The following S100PBP variants were observed in gnomAD, a reference collection of about 807,000 sequenced individuals.
S100PBP encodes S100P binding protein.
In S100PBP, 15 loss-of-function variants were observed where a neutral mutation model predicts 39.9. The observed-to-expected ratio is 0.38, with a 90% confidence interval of 0.25 to 0.58. The LOEUF (loss-of-function observed/expected upper bound fraction) is 0.58, where lower values mean the gene tolerates loss of function less well. S100PBP is among the 20% of genes least tolerant of loss of function. S100PBP has a pLI of 0.70. For synonymous variants in S100PBP, 178 were observed against 180.3 expected (o/e 0.99, Z 0.10); for missense variants, 504 against 487.3 (o/e 1.03, Z -0.32).
rs535759463 is a variant in S100PBP, at chr1:32,827,881, G to A, written c.832-112G>A. 3.1e-5 allele frequency: 19 copies of A among 620,342 alleles called. No homozygotes were observed. In the East Asian group the frequency reaches 4.9e-4, roughly 16 times the overall value. The allele number at this position is 620,342 out of a possible 1,614,324, so 38.4% of individuals were successfully genotyped here. A position where few individuals can be genotyped will look rare whatever the true frequency, so the allele number is the denominator to read the frequency against. On this transcript the variant is annotated intron_variant, in intron 3 of 6. Transcript: ENST00000373475. ...ATACGTGGTACACAGTAGTGTTCAC[G>A]AATAGGCTTTTGTAGCCTTTAGTTA... is the stretch of plus-strand genomic sequence containing the variant.
chr1:32,835,145 A>C (rs1488477101), intron 5 of S100PBP: 1 of 152,204 alleles, frequency 6.6e-6, no homozygotes, highest in East Asian at 1.9e-4. Flanking sequence ...TCTCAAAAGA[A>C]AAAAATGTTC....
At chr1:32,841,939 C>T (rs1640115150) in intron 5 of S100PBP, among the ~76,000 whole-genome samples, 1 of 151,004 alleles carries the variant, frequency 6.6e-6, no homozygotes, top group South Asian at 2.1e-4. Flanking sequence ...AATCCCAGCA[C>T]TTTGGGAGGC....
At chr1:32,839,076 A>G (rs544705587) in intron 5 of S100PBP, among the ~76,000 whole-genome samples, 4 of 152,152 alleles carry the variant, frequency 2.6e-5, no homozygotes, top group Non-Finnish European at 5.9e-5. Flanking sequence ...CTACAGGCAC[A>G]CATCGCTGCA....
At chr1:32,830,512 T>G (rs769157244) in intron 5 of S100PBP, among the ~76,000 whole-genome samples, 1 of 152,238 alleles carries the variant, frequency 6.6e-6, no homozygotes, top group Non-Finnish European at 1.5e-5. Flanking sequence ...GAATAAAAGC[T>G]CTTGAAAGGT....
At chr1:32,834,030 A>G (rs553215978) in intron 5 of S100PBP, 13 of 334,738 alleles carry the variant, frequency 3.9e-5, no homozygotes, top group South Asian at 3.5e-4. Context: ...TCTTATTTCT[A>G]TAGGATGAAT....
At chr1:32,822,885 G>T (rs1481610830) in intron 1 of S100PBP, among the ~76,000 whole-genome samples, 1 of 152,106 alleles carries the variant, frequency 6.6e-6, no homozygotes, top group Non-Finnish European at 1.5e-5. Flanking sequence ...TTTTTTCCAA[G>T]AGACCAAAAG....
chr1:32,831,710 C>G (rs1042792372), intron 5 of S100PBP, among the ~76,000 whole-genome samples: 9 of 152,082 alleles, frequency 5.9e-5, no homozygotes, highest in African/African-American at 1.9e-4. Context: ...CTCTCCACCT[C>G]TCCCCCCATC....
chr1:32,844,919 C>T (rs1169002134), intron 5 of S100PBP, among the ~76,000 whole-genome samples: 1 of 151,664 alleles, frequency 6.6e-6, no homozygotes, highest in Non-Finnish European at 1.5e-5. Flanking sequence ...AGCTGTGCCT[C>T]CCGGGTTCAC....
intron 6 of S100PBP, 29 bp downstream of exon 6, chr1:32,853,195 A>G (rs776889283): frequency 6.4e-7 from 1 of 1,553,466 alleles, no homozygotes; most frequent in South Asian, 1.1e-5. Context: ...GAAGATGGAA[A>G]AGGGTAGAAT....
chr1:32,834,171 T>C (rs560345374), intron 5 of S100PBP: 139 of 174,370 alleles, frequency 8.0e-4, no homozygotes, highest in African/African-American at 3.3e-3. Context: ...TTTTAACATA[T>C]TTTGTTTTAA....
intron 5 of S100PBP, among the ~76,000 whole-genome samples, chr1:32,846,374 CA>C (rs1424663243): frequency 6.8e-6 from 1 of 147,916 alleles, no homozygotes; most frequent in East Asian, 1.9e-4. Flanking sequence ...TTTTTTTTTC[CA>C]GTCTCACAAT....
chr1:32,829,635 T>A (rs1038474873), intron 4 of S100PBP, among the ~76,000 whole-genome samples: 27 of 152,164 alleles, frequency 1.8e-4, no homozygotes, highest in Non-Finnish European at 3.5e-4. Flanking sequence ...GCTAATTTTT[T>A]AAAAAAATTT....
chr1:32,824,949 G>A (rs1569841212), intron 1 of S100PBP: 1 of 151,848 alleles, frequency 6.6e-6, no homozygotes, highest in African/African-American at 2.4e-5. Flanking sequence ...TTGTAAATGA[G>A]GAAACAAGTC....
At chr1:32,849,380 G>T (rs935579746) in intron 5 of S100PBP, among the ~76,000 whole-genome samples, 5 of 152,094 alleles carry the variant, frequency 3.3e-5, no homozygotes, top group African/African-American at 1.2e-4. Flanking sequence ...CAAGCCATCC[G>T]CCTGCCTCGG....
chr1:32,852,014 A>G (rs1640631079), intron 5 of S100PBP, among the ~76,000 whole-genome samples: 1 of 152,212 alleles, frequency 6.6e-6, no homozygotes, highest in Non-Finnish European at 1.5e-5. Flanking sequence ...CACAGGAGCT[A>G]GTTGAATCCT....
chr1:32,816,824 A>G (rs1386325878), upstream of S100PBP: 1 of 406,302 alleles, frequency 2.5e-6, no homozygotes, highest in Non-Finnish European at 4.6e-6. Context: ...TTGAACCGTA[A>G]TGGGTCATTT....
intron 5 of S100PBP, among the ~76,000 whole-genome samples, chr1:32,851,495 G>A (rs1211754767): frequency 6.6e-6 from 1 of 151,892 alleles, no homozygotes; most frequent in Non-Finnish European, 1.5e-5. Flanking sequence ...GTGAAACCCT[G>A]TCTCTACTAA....
chr1:32,836,134 C>CT lies in S100PBP; in HGVS notation c.1024+6082dup, dbSNP rs781749587. 7.7e-3 allele frequency: 1,063 copies of CT among 137,404 alleles called. 10 individuals are homozygous for CT. Among genetic ancestry groups the CT allele is most frequent in the African/African-American group, 0.018 (668 of 37,740 alleles). The allele number at this position is 137,404 out of a possible 1,614,324, so 8.5% of individuals were successfully genotyped here. ...CCTTGCCAGCACTTATTTTTTTGTGCTTTTTTTTTTTTTTTGAGGCTGGAG... is the reference window on the plus strand; with the variant it reads ...CCTTGCCAGCACTTATTTTTTTGTGCTTTTTTTTTTTTTTTTGAGGCTGGAG... On this transcript the variant is annotated intron_variant, in intron 5 of 6. Coordinates refer to ENST00000373475, the MANE Select transcript of S100PBP (RefSeq NM_022753.4).
At chr1:32,840,769 A>T (rs2148670758) in intron 5 of S100PBP, among the ~76,000 whole-genome samples, 1 of 152,200 alleles carries the variant, frequency 6.6e-6, no homozygotes, top group East Asian at 1.9e-4. Flanking sequence ...TTTCATTTGC[A>T]TTTTCCTAAT....
Sources: allele counts gnomAD v4.1 joint callset (sites outside exome capture counted in the v4.1 genomes callset), GRCh38; gene constraint gnomAD v4.1.1; transcripts MANE v1.5; gene names NCBI Gene and HGNC (gene_info 2026-07-23, HGNC 2026-07-21).